The following ST6GALNAC3 variants were observed in gnomAD, a reference collection of about 807,000 sequenced individuals.
The protein encoded by ST6GALNAC3 is alpha-N-acetylgalactosaminide alpha-2,6-sialyltransferase 3.
In ST6GALNAC3, 25 loss-of-function variants were observed where a neutral mutation model predicts 32.7. That is an observed-to-expected ratio of 0.76 (90% confidence interval 0.56 to 1.07). The LOEUF (loss-of-function observed/expected upper bound fraction) is 1.07, where lower values mean the gene tolerates loss of function less well. ST6GALNAC3 is among the 50% of genes least tolerant of loss of function. The probability of loss-of-function intolerance (pLI) is 0.00; values close to 1 mark genes in which losing one functional copy is unlikely to be tolerated. For synonymous variants in ST6GALNAC3, 129 were observed against 133.1 expected, an observed-to-expected ratio of 0.97 and a Z score of 0.21; for missense variants, 355 against 382.4, an observed-to-expected ratio of 0.93 and a Z score of 0.60.
intron 1 of ST6GALNAC3, among the ~76,000 whole-genome samples, chr1:76,103,912 A>T (rs541717939): frequency 1.3e-5 from 2 of 152,330 alleles, no homozygotes; most frequent in South Asian, 2.1e-4. Context: ...ATCTTTTTCC[A>T]TATAATGTAT....
chr1:76,629,185 G>A lies in ST6GALNAC3; in HGVS notation c.*379G>A, dbSNP rs1297639636. The A allele has an allele frequency of 4.9e-6, 5 of 1,015,854 alleles. No homozygotes were observed. Among genetic ancestry groups the A allele is most frequent in the South Asian group, 8.2e-5 (2 of 24,406 alleles). The allele number at this position is 1,015,854 out of a possible 1,614,324, so 62.9% of individuals were successfully genotyped here. A position where few individuals can be genotyped will look rare whatever the true frequency, so the allele number is the denominator to read the frequency against. On this transcript the variant is annotated 3_prime_UTR_variant, in exon 5 of 5. Transcript: ENST00000328299. ...AAGCCAAAAGAGTTTGGCTTCATGAGGCAAGGTGATTGACTCAATGGCTTG... is the reference window on the plus strand; with the variant it reads ...AAGCCAAAAGAGTTTGGCTTCATGAAGCAAGGTGATTGACTCAATGGCTTG...
chr1:76,580,607 G>A (rs1646878719), intron 3 of ST6GALNAC3, among the ~76,000 whole-genome samples: 1 of 152,126 alleles, frequency 6.6e-6, no homozygotes, highest in Non-Finnish European at 1.5e-5. Flanking sequence ...GCCCCAGGTA[G>A]CAAATTGCTG....
intron 3 of ST6GALNAC3, among the ~76,000 whole-genome samples, chr1:76,511,538 C>T (rs1293947956): frequency 6.6e-6 from 1 of 152,200 alleles, no homozygotes; most frequent in Non-Finnish European, 1.5e-5. Context: ...CCTCTGTTCT[C>T]CCCGGTAGGT....
chr1:76,574,514 G>A (rs1048119322), intron 3 of ST6GALNAC3, among the ~76,000 whole-genome samples: 1 of 144,480 alleles, frequency 6.9e-6, no homozygotes, highest in African/African-American at 2.6e-5. Context: ...AAATCTTCAG[G>A]CACAAAAAGC....
intron 2 of ST6GALNAC3, among the ~76,000 whole-genome samples, chr1:76,388,855 C>A (rs1652299877): frequency 6.6e-6 from 1 of 152,046 alleles, no homozygotes; most frequent in Non-Finnish European, 1.5e-5. Flanking sequence ...GCTCTGTAGT[C>A]AACTAGTCAT....
chr1:76,528,544 C>A (rs1007525393), intron 3 of ST6GALNAC3, among the ~76,000 whole-genome samples: 1 of 151,966 alleles, frequency 6.6e-6, no homozygotes, highest in African/African-American at 2.4e-5. Flanking sequence ...CATAGTATGT[C>A]GACTCTTGTT....
intron 1 of ST6GALNAC3, among the ~76,000 whole-genome samples, chr1:76,264,409 G>A (rs926249230): frequency 2.0e-5 from 3 of 152,198 alleles, no homozygotes; most frequent in African/African-American, 4.8e-5. Flanking sequence ...GGTTCACCAA[G>A]CACGTCTGCC....
chr1:76,143,299 T>C (rs974935317), intron 1 of ST6GALNAC3, among the ~76,000 whole-genome samples: 11 of 152,116 alleles, frequency 7.2e-5, no homozygotes, highest in Admixed American at 6.5e-4. Flanking sequence ...CACCAGTCAT[T>C]TGGCAGTCCT....
At chr1:76,470,347 T>C (rs1216330537) in intron 3 of ST6GALNAC3, among the ~76,000 whole-genome samples, 1 of 152,086 alleles carries the variant, frequency 6.6e-6, no homozygotes, top group Non-Finnish European at 1.5e-5. Flanking sequence ...ATGAAGCTAA[T>C]GGATTGTAGA....
chr1:76,419,644 G>GT (rs1403086488), intron 3 of ST6GALNAC3, among the ~76,000 whole-genome samples: 1 of 151,900 alleles, frequency 6.6e-6, no homozygotes, highest in Non-Finnish European at 1.5e-5. Context: ...AGCAATCTCT[G>GT]TTTTTTCTCT....
chr1:76,292,951 T>A (rs773907255), intron 1 of ST6GALNAC3, among the ~76,000 whole-genome samples: 1 of 152,248 alleles, frequency 6.6e-6, no homozygotes, highest in Non-Finnish European at 1.5e-5. Flanking sequence ...GTCAACTCCC[T>A]CTTCCCTGTG....
intron 2 of ST6GALNAC3, among the ~76,000 whole-genome samples, chr1:76,358,268 C>G (rs1401457211): frequency 6.6e-6 from 1 of 152,116 alleles, no homozygotes; most frequent in East Asian, 1.9e-4. Flanking sequence ...ATACATTCAA[C>G]CCAGGCAAGA....
intron 1 of ST6GALNAC3, among the ~76,000 whole-genome samples, chr1:76,119,314 T>A (rs1003135678): frequency 6.6e-6 from 1 of 152,230 alleles, no homozygotes; most frequent in East Asian, 1.9e-4. Context: ...TAGAACATAT[T>A]CTTTGGAATT....
chr1:76,102,235 TTGTGTGTGTGTGTG>T (rs60454163), intron 1 of ST6GALNAC3, among the ~76,000 whole-genome samples: 8 of 147,520 alleles, frequency 5.4e-5, no homozygotes, highest in East Asian at 2.0e-4. Context: ...CCTGGTGTGT[TTGTGTGTGTGTGTG>T]TGTGTGTGTG....
intron 1 of ST6GALNAC3, among the ~76,000 whole-genome samples, chr1:76,166,734 A>G (rs557646049): frequency 6.6e-6 from 1 of 152,048 alleles, no homozygotes; most frequent in African/African-American, 2.4e-5. Flanking sequence ...TTGGCTGAGT[A>G]TTCTTAAGTA....
chr1:76,472,532 G>C (rs1344546533), intron 3 of ST6GALNAC3, among the ~76,000 whole-genome samples: 1 of 152,006 alleles, frequency 6.6e-6, no homozygotes, highest in Non-Finnish European at 1.5e-5. Flanking sequence ...CTCCGGAAAG[G>C]GACCACCCAA....
At chr1:76,525,361 T>C (rs1662800153) in intron 3 of ST6GALNAC3, among the ~76,000 whole-genome samples, 1 of 152,114 alleles carries the variant, frequency 6.6e-6, no homozygotes, top group Admixed American at 6.6e-5. Context: ...AGGAATGCTA[T>C]GCTCTGGCTT....
intron 3 of ST6GALNAC3, among the ~76,000 whole-genome samples, chr1:76,609,554 G>GTCTA (rs1171365521): frequency 6.6e-6 from 1 of 152,012 alleles, no homozygotes; most frequent in Admixed American, 6.6e-5. Context: ...TTAATATAGG[G>GTCTA]TCTATTAAGA....
chr1:76,567,053 G>A (rs1034226882), intron 3 of ST6GALNAC3, among the ~76,000 whole-genome samples: 3 of 152,102 alleles, frequency 2.0e-5, no homozygotes, highest in Admixed American at 2.0e-4. Flanking sequence ...AGGGAAGGAG[G>A]GAGGAATCTA....
Sources: allele counts gnomAD v4.1 joint callset (sites outside exome capture counted in the v4.1 genomes callset), GRCh38; gene constraint gnomAD v4.1.1; transcripts MANE v1.5; gene names NCBI Gene and HGNC (gene_info 2026-07-23, HGNC 2026-07-21).